PGLS: variants seen among roughly 807,000 people sequenced by gnomAD.
The protein encoded by PGLS is epididymis secretory protein Li 304.
Under a neutral mutation model 23.2 loss-of-function variants are expected in PGLS, and 21 were observed. That is an observed-to-expected ratio of 0.91 (90% CI 0.64 to 1.31). The LOEUF is 1.31. PGLS is among the 50% of genes most tolerant of loss of function. The probability of loss-of-function intolerance (pLI) is 0.00; values close to 1 mark genes in which losing one functional copy is unlikely to be tolerated. For missense variants in PGLS, 410 were observed against 354.0 expected (o/e 1.16, Z -1.27); for synonymous variants, 179 against 165.4 (o/e 1.08, Z -0.63).
At chr19:17,511,990 C>T (rs1403722022) in intron 1 of PGLS, 30 bp downstream of exon 1, 1 of 1,519,484 alleles carries the variant, frequency 6.6e-7, no homozygotes, top group Admixed American at 2.0e-5. Context: ...CCGGGGATCA[C>T]GCCGAGAGGG....
Position 17,517,842 on chromosome 19 carries a change from G to A in PGLS, c.631G>A (p.Val211Ile). ...FVATGEGKAA[V>I]LKRILEDQEE... ...GGCAACTGGAGAAGGCAAGGCAGCT[G>A]TTCTGAAGGTAACAGCTGAGGGTTC... The change falls in exon 4 of 5, where the codon GTT becomes ATT. Residue 211 changes from valine (V) to isoleucine (I), a missense_variant. Transcript: ENST00000252603. 6.2e-7 allele frequency: 1 copy of A among 1,614,078 alleles called. No individual in the cohort carries two copies. Among genetic ancestry groups the A allele is most frequent in the East Asian group, 2.2e-5 (1 of 44,884 alleles).
At position 17,511,766 on chromosome 19, in the gene PGLS, T is replaced by G; in HGVS notation, c.94T>G (p.Cys32Gly). Residue 32 changes from cysteine (C) to glycine (G), a missense_variant, in exon 1 of 5, where the codon TGC becomes GGC. Cys to Gly is a radical substitution (Grantham distance 159). Coordinates refer to ENST00000252603, the MANE Select transcript of PGLS (RefSeq NM_012088.3). ...GCAGCTGGTGGCCCAGCGCGCAGCA[T>G]GCTGCCTGGCAGGGGCCCGCGCCCG... ...LAQLVAQRAA[C>G]CLAGARARFA... 1 of 1,499,520 alleles carries G rather than the reference T, an allele frequency of 6.7e-7. No individual in the cohort carries two copies. Among genetic ancestry groups the G allele is most frequent in the Non-Finnish European group, 8.8e-7 (1 of 1,131,782 alleles). 92.9% of individuals were successfully genotyped at this position (1,499,520 alleles called of 1,614,324 possible). A position where few individuals can be genotyped will look rare whatever the true frequency, so the allele number is the denominator to read the frequency against.
intron 1 of PGLS, 58 bp downstream of exon 1, chr19:17,512,018 AC>A: frequency 6.8e-7 from 1 of 1,464,112 alleles, no homozygotes; most frequent in Non-Finnish European, 9.1e-7. Flanking sequence ...CACCGCCTAC[AC>A]CCCGGCTACG....
intron 1 of PGLS, among the ~76,000 whole-genome samples, chr19:17,515,508 C>T (rs1406937791): frequency 6.6e-6 from 1 of 152,160 alleles, no homozygotes; most frequent in Admixed American, 6.5e-5. Context: ...CAGGCCAGGG[C>T]ATCTACTGTG....
At chr19:17,516,437 C>T in intron 2 of PGLS, 157 bp downstream of exon 2, 5 of 1,413,800 alleles carry the variant, frequency 3.5e-6, no homozygotes, top group Non-Finnish European at 4.6e-6. Flanking sequence ...CAGCCCTGCC[C>T]TGGGGAGCCT....
In PGLS at chr19:17,511,975, G is replaced by C. The variant is rs901875691; in HGVS notation, c.288+15G>C. 4.5e-5 allele frequency: 69 copies of C among 1,534,386 alleles called. No homozygotes were observed. The highest frequency in any genetic ancestry group is 8.5e-5 in the African/African-American group (6 of 70,430). On this transcript the variant is annotated intron_variant, in intron 1 of 4. Coordinates refer to ENST00000252603, the MANE Select transcript of PGLS (RefSeq NM_012088.3). Reference sequence around the variant, plus strand: ...GCCTCTACCGGGTGAGAGCTACGGGGGCCGCCGGGGATCACGCCGAGAGGG... The same window carrying C: ...GCCTCTACCGGGTGAGAGCTACGGGCGCCGCCGGGGATCACGCCGAGAGGG...
chr19:17,513,582 G>A (rs1421436768), intron 1 of PGLS, among the ~76,000 whole-genome samples: 1 of 151,768 alleles, frequency 6.6e-6, no homozygotes, highest in Non-Finnish European at 1.5e-5. Flanking sequence ...ACTTTGGGAG[G>A]CCAAGGATGG....
chr19:17,512,367 A>G, intron 1 of PGLS: 1 of 207,266 alleles, frequency 4.8e-6, no homozygotes. Context: ...CAGGGCTAGA[A>G]ATGGTCTACT....
At chr19:17,516,064 T>C (rs954167335) in intron 1 of PGLS, 109 bp from the exon 2 acceptor site, 9 of 793,656 alleles carry the variant, frequency 1.1e-5, no homozygotes, top group Middle Eastern at 2.4e-4. Flanking sequence ...TCCCCATGCC[T>C]CAGTCTCCCC....
Position 17,511,989 on chromosome 19 carries a change from A to T in PGLS, c.288+29A>T, listed in dbSNP as rs1390041885. On this transcript the variant is annotated intron_variant, in intron 1 of 4. Coordinates refer to ENST00000252603, the MANE Select transcript of PGLS (RefSeq NM_012088.3). ...AGAGCTACGGGGGCCGCCGGGGATC[A>T]CGCCGAGAGGGCCACAGCCACCGCC... 3 of 1,523,384 alleles carry T rather than the reference A, an allele frequency of 2.0e-6. No individual in the cohort carries two copies. The South Asian group carries it at 3.6e-5, about 18-fold the overall frequency. 94.4% of individuals were successfully genotyped at this position (1,523,384 alleles called of 1,614,324 possible). A position where few individuals can be genotyped will look rare whatever the true frequency, so the allele number is the denominator to read the frequency against.
intron 4 of PGLS, among the ~76,000 whole-genome samples, chr19:17,520,218 C>T (rs954492335): frequency 6.6e-6 from 1 of 152,028 alleles, no homozygotes; most frequent in Non-Finnish European, 1.5e-5. Flanking sequence ...CAAGACCAGC[C>T]TGGCTAATAT....
At chr19:17,516,496 A>G (rs2075533219) in intron 2 of PGLS, 2 of 1,360,200 alleles carry the variant, frequency 1.5e-6, no homozygotes, top group Non-Finnish European at 1.9e-6. Flanking sequence ...GGGTCCTCAC[A>G]TCTTGGGGAA....
At chr19:17,513,785 C>G (rs1284965725) in intron 1 of PGLS, among the ~76,000 whole-genome samples, 4 of 152,222 alleles carry the variant, frequency 2.6e-5, no homozygotes, top group Non-Finnish European at 4.4e-5. Context: ...TGCCACTGCA[C>G]TCCAGCCTGG....
In PGLS at chr19:17,511,937, G is replaced by C; in HGVS notation, c.265G>C (p.Glu89Gln). 6.4e-7 allele frequency: 1 copy of C among 1,550,650 alleles called. No individual in the cohort carries two copies. Among genetic ancestry groups the C allele is most frequent in the East Asian group, 2.5e-5 (1 of 40,672 alleles). Residue 89 changes from glutamate (E) to glutamine (Q), a missense_variant, in exon 1 of 5, where the codon GAG becomes CAG. By Grantham distance (29) the Glu-to-Gln change is conservative. Transcript: ENST00000252603. ...GCGCCTCGTGCCCTTCGATCACGCC[G>C]AGAGCACGTACGGCCTCTACCGGGT... ...DERLVPFDHAESTYGLYRTHL... is the reference protein window; with the variant it reads ...DERLVPFDHAQSTYGLYRTHL...
chr19:17,511,685 G>C lies in PGLS; in HGVS notation c.13G>C (p.Ala5Pro). Reference protein sequence around the residue: MAAPAPGLISVFSSS... With the variant: MAAPPPGLISVFSSS... The stretch of plus-strand genomic sequence containing the variant: ...CGCCGCCCTCGCCATGGCCGCGCCG[G>C]CCCCGGGCCTCATCTCGGTGTTCTC... The change falls in exon 1 of 5, where the codon GCC (alanine) becomes CCC (proline). Residue 5 changes from alanine (A) to proline (P), a missense_variant. Coordinates refer to ENST00000252603, the MANE Select transcript of PGLS (RefSeq NM_012088.3). 1 of 1,498,132 alleles carries C rather than the reference G, an allele frequency of 6.7e-7. No homozygotes were observed. The highest frequency in any genetic ancestry group is 2.0e-4 in the Middle Eastern group (1 of 4,918). 92.8% of individuals were successfully genotyped at this position (1,498,132 alleles called of 1,614,324 possible).
intron 4 of PGLS, among the ~76,000 whole-genome samples, 171 bp downstream of exon 4, chr19:17,518,021 A>C (rs1265269315): frequency 2.6e-5 from 4 of 152,104 alleles, no homozygotes; most frequent in Admixed American, 2.0e-4. Flanking sequence ...AAAAAAAAAA[A>C]AAAACCCCAG....
At chr19:17,512,665 C>G (rs1436323991) in intron 1 of PGLS, 1 of 149,172 alleles carries the variant, frequency 6.7e-6, no homozygotes, top group African/African-American at 2.6e-5. Context: ...GAGGAGCGCG[C>G]TCTTTTAAAG....
Position 17,517,781 on chromosome 19 carries a change from A to C in PGLS, c.570A>C (p.Leu190=). The C allele has an allele frequency of 6.2e-7, 1 of 1,614,086 alleles. No individual in the cohort carries two copies. Among genetic ancestry groups the C allele is most frequent in the South Asian group, 1.1e-5 (1 of 91,086 alleles). Residue 190 remains leucine, a synonymous_variant, in exon 4 of 5, where the codon CTA becomes CTC. Transcript: ENST00000252603. ...KPPPQRVTLT[L]PVLNAARTVI... ...CGCCACAGCGTGTGACCCTCACACT[A>C]CCTGTCCTGAATGCAGCACGAACTG... is the stretch of plus-strand genomic sequence containing the variant.
chr19:17,520,329 C>T (rs113069710), intron 4 of PGLS: 1 of 151,926 alleles, frequency 6.6e-6, no homozygotes, highest in Non-Finnish European at 1.5e-5. Context: ...GGGTGGATCA[C>T]CTGAGTTCAG....
Sources: gnomAD v4.1 joint callset for allele counts (sites outside exome capture counted in the v4.1 genomes callset) on GRCh38, gnomAD v4.1.1 for gene constraint, MANE v1.5 for transcripts, NCBI Gene and HGNC (gene_info 2026-07-23, HGNC 2026-07-21) for gene names.